The following RBFOX1 variants were observed in gnomAD, a reference collection of about 807,000 sequenced individuals.
RBFOX1 encodes the protein RNA binding protein fox-1 homolog 1.
RBFOX1 carries 8 observed loss-of-function variants against 57.7 expected under a neutral mutation model. The ratio of observed to expected loss-of-function variants is 0.14; its 90% confidence interval spans 0.08 to 0.25. RBFOX1 has a LOEUF of 0.25. Among genes scored for constraint, RBFOX1 ranks in the 10% least tolerant of loss-of-function variants. The pLI is 1.00. For missense variants in RBFOX1, 611 were observed against 548.5 expected, an observed-to-expected ratio of 1.11 and a Z score of -1.14; for synonymous variants, 326 against 222.4, an observed-to-expected ratio of 1.47 and a Z score of -4.15.
chr16:6,707,142 A>G (rs34969815), intron 3 of RBFOX1, among the ~76,000 whole-genome samples: 4 of 152,128 alleles, frequency 2.6e-5, no homozygotes, highest in South Asian at 2.1e-4. Context: ...TGTGATTTCT[A>G]TTTGCAAAAA....
intron 1 of RBFOX1, among the ~76,000 whole-genome samples, chr16:5,353,343 ACTCCAGCCTGGGCAACAGAGTAGTGT>A (rs1389153955): frequency 6.8e-6 from 1 of 148,070 alleles, no homozygotes; most frequent in Non-Finnish European, 1.5e-5. Context: ...ATGCCACTGC[ACTCCAGCCTGGGCAACAGAGTAGTGT>A]CTGAAAAAAA....
At chr16:6,166,221 C>G (rs1198892065) in intron 1 of RBFOX1, among the ~76,000 whole-genome samples, 1 of 152,164 alleles carries the variant, frequency 6.6e-6, no homozygotes, top group Non-Finnish European at 1.5e-5. Flanking sequence ...AAAACGTCTT[C>G]CACCTCACAG....
intron 2 of RBFOX1, among the ~76,000 whole-genome samples, chr16:6,456,710 G>A (rs188430206): frequency 6.6e-6 from 1 of 152,298 alleles, no homozygotes; most frequent in East Asian, 1.9e-4. Context: ...TGGGAATAAT[G>A]GCTATGGGAA....
chr16:6,019,198 G>A lies in RBFOX1; in HGVS notation c.-921G>A. 1 of 984,902 alleles carries A rather than the reference G, an allele frequency of 1.0e-6. No homozygotes were observed. The allele number at this position is 984,902 out of a possible 1,614,324, so 61.0% of individuals were successfully genotyped here. A position where few individuals can be genotyped will look rare whatever the true frequency, so the allele number is the denominator to read the frequency against. On this transcript the variant is annotated 5_prime_UTR_variant, in exon 1 of 16. Transcript: ENST00000550418. This position sits in a 1 kb window ranked among gnomAD's most constrained non-coding sequence, Gnocchi z 4.2. Reference sequence around the variant, plus strand: ...GAAGATTTCCTCTTTATTCTCTCCCGCCCTCCTACAAGCGCTCTTGCTGGC... The same window carrying A: ...GAAGATTTCCTCTTTATTCTCTCCCACCCTCCTACAAGCGCTCTTGCTGGC...
At chr16:7,555,841 C>A (rs972122030) in intron 5 of RBFOX1, among the ~76,000 whole-genome samples, 5 of 152,174 alleles carry the variant, frequency 3.3e-5, no homozygotes, top group Admixed American at 6.6e-5. Context: ...CTTCCTCCTG[C>A]TCAGTATTTA....
chr16:7,667,730 G>C (rs1333296596), intron 13 of RBFOX1, among the ~76,000 whole-genome samples: 5 of 152,090 alleles, frequency 3.3e-5, no homozygotes, highest in Non-Finnish European at 7.4e-5. Context: ...GCCCAGGCTG[G>C]AGTGCGGTGC....
intron 2 of RBFOX1, among the ~76,000 whole-genome samples, chr16:5,593,653 T>C (rs2047084573): frequency 6.6e-6 from 1 of 152,152 alleles, no homozygotes; most frequent in South Asian, 2.1e-4. Flanking sequence ...GTCAGGAAGT[T>C]ACCGTATATG....
chr16:7,100,738 G>C (rs553197562), intron 4 of RBFOX1, among the ~76,000 whole-genome samples: 4 of 152,024 alleles, frequency 2.6e-5, no homozygotes, highest in South Asian at 4.1e-4. Flanking sequence ...AGAGGACTCA[G>C]AGGGGGAAAA....
intron 3 of RBFOX1, among the ~76,000 whole-genome samples, chr16:6,763,620 C>G (rs2076937020): frequency 6.6e-6 from 1 of 152,208 alleles, no homozygotes; most frequent in African/African-American, 2.4e-5. Context: ...TTTCCAGTGT[C>G]TCACCAATTA....
intron 2 of RBFOX1, among the ~76,000 whole-genome samples, chr16:5,476,946 T>C (rs558555298): frequency 1.3e-5 from 2 of 152,350 alleles, no homozygotes; most frequent in South Asian, 4.1e-4. Flanking sequence ...TACTAAACTT[T>C]TTGTAACTGA....
intron 1 of RBFOX1, among the ~76,000 whole-genome samples, chr16:6,076,426 A>C (rs1360101531): frequency 6.6e-6 from 1 of 152,098 alleles, no homozygotes; most frequent in African/African-American, 2.4e-5. Context: ...TAGGTTAGCG[A>C]GTGCCCATGC....
intron 5 of RBFOX1, among the ~76,000 whole-genome samples, chr16:7,539,553 C>G (rs1433703542): frequency 6.6e-6 from 1 of 152,174 alleles, no homozygotes; most frequent in Non-Finnish European, 1.5e-5. Flanking sequence ...ATGTATTTCC[C>G]AATGGGATCA....
At chr16:7,473,470 A>C (rs1048837285) in intron 4 of RBFOX1, among the ~76,000 whole-genome samples, 8 of 148,072 alleles carry the variant, frequency 5.4e-5, no homozygotes, top group African/African-American at 2.0e-4. Flanking sequence ...GGTCCTTTAT[A>C]CATAATATAT....
intron 4 of RBFOX1, among the ~76,000 whole-genome samples, chr16:7,087,508 G>A (rs1034499169): frequency 6.7e-6 from 1 of 150,100 alleles, no homozygotes; most frequent in Non-Finnish European, 1.5e-5. Flanking sequence ...ACCTAAGCAG[G>A]CTTGACAGAA....
chr16:5,890,375 A>G (rs2058017740), intron 4 of RBFOX1, among the ~76,000 whole-genome samples: 1 of 152,196 alleles, frequency 6.6e-6, no homozygotes, highest in South Asian at 2.1e-4. Context: ...AGGTGCTGGT[A>G]GTTAATGATT....
At chr16:6,764,365 C>T (rs977058249) in intron 3 of RBFOX1, among the ~76,000 whole-genome samples, 2 of 152,154 alleles carry the variant, frequency 1.3e-5, no homozygotes, top group Non-Finnish European at 2.9e-5. Context: ...ATTTTCAGTC[C>T]TTATGGTAGT....
At chr16:7,044,639 C>A (rs1307592120) in intron 3 of RBFOX1, among the ~76,000 whole-genome samples, 1 of 152,110 alleles carries the variant, frequency 6.6e-6, no homozygotes, top group African/African-American at 2.4e-5. Context: ...CCCGACCTTC[C>A]ACTTTACTTT....
intron 10 of RBFOX1, among the ~76,000 whole-genome samples, chr16:7,610,139 T>TTTTTTTTTTTTTTTTTTGG (rs2057174916): frequency 3.9e-5 from 5 of 127,722 alleles, no homozygotes; most frequent in Admixed American, 1.6e-4. Flanking sequence ...TTTTTTTTTT[T>TTTTTTTTTTTTTTTTTTGG]GAGGCAGTTT....
intron 3 of RBFOX1, among the ~76,000 whole-genome samples, chr16:6,794,646 G>A (rs904480105): frequency 6.6e-6 from 1 of 152,120 alleles, no homozygotes; most frequent in Admixed American, 6.5e-5. Flanking sequence ...GCGGGTGAGA[G>A]AAACCAAACC....
Sources: gnomAD v4.1 joint callset for allele counts (sites outside exome capture counted in the v4.1 genomes callset) on GRCh38, gnomAD v4.1.1 for gene constraint, Gnocchi (gnomAD v3.1) non-coding constraint, MANE v1.5 for transcripts, NCBI Gene and HGNC (gene_info 2026-07-23, HGNC 2026-07-21) for gene names.